MVP: variants seen among roughly 807,000 people sequenced by gnomAD.
MVP encodes major vault protein.
Under a neutral mutation model 83.5 loss-of-function variants are expected in MVP, and 62 were observed. The ratio of observed to expected loss-of-function variants is 0.74; its 90% CI spans 0.61 to 0.92. The LOEUF is 0.92. MVP is among the 40% of genes least tolerant of loss of function. The pLI is 0.00. For synonymous variants in MVP, 505 were observed against 504.1 expected (o/e 1.00, Z -0.02); for missense variants, 1,000 against 1,203.4 (o/e 0.83, Z 2.50).
At position 29,841,355 on chromosome 16, in the gene MVP, A is replaced by G. The variant is rs1475040771; in HGVS notation, c.1192-241A>G. ...ATGTCATTCACCCCTAGACCCTGCA[A>G]GGTAGCCACCGTCAAGTCCACTTGA... On this transcript the variant is annotated intron_variant, in intron 8 of 14. Transcript: ENST00000357402. The surrounding 1 kb of genome is among the most constrained non-coding windows in gnomAD (Gnocchi z 4.7). Among the ~76,000 whole-genome samples, 1 of 152,174 alleles carries G rather than the reference A, an allele frequency of 6.6e-6. No homozygotes were observed. The highest frequency in any genetic ancestry group is 1.5e-5 in the Non-Finnish European group (1 of 68,026).
intron 10 of MVP, among the ~76,000 whole-genome samples, chr16:29,844,181 A>C (rs2067560889): frequency 6.6e-6 from 1 of 152,212 alleles, no homozygotes; most frequent in South Asian, 2.1e-4. Context: ...GCCATCTCAT[A>C]GGGTGGCTGA....
At chr16:29,823,067 C>G (rs916994621) in intron 1 of MVP, among the ~76,000 whole-genome samples, 2 of 150,796 alleles carry the variant, frequency 1.3e-5, no homozygotes, top group Non-Finnish European at 3.0e-5. Context: ...ACCCTCCAGT[C>G]TCTAATACCT....
Position 29,835,795 on chromosome 16 carries a change from A to G in MVP, c.669A>G (p.Glu223=). Residue 223 remains glutamate (E), a synonymous_variant, in exon 6 of 15, where the codon GAA becomes GAG. Transcript: ENST00000357402. ...LDLVDAVILT[E]KTALHLRARR... ...TGGTGGACGCCGTCATCCTTACGGA[A>G]AAGGTTGGTGCTCTGGGGGCTGTGG... 6.2e-7 allele frequency: 1 copy of G among 1,613,408 alleles called. No individual in the cohort carries two copies. Among genetic ancestry groups the G allele is most frequent in the Non-Finnish European group, 8.5e-7 (1 of 1,179,812 alleles).
chr16:29,830,993 G>T lies in MVP; in HGVS notation c.241G>T (p.Val81Phe). The change falls in exon 3 of 15, where the codon GTT becomes TTT. Residue 81 changes from valine (V) to phenylalanine (F), a missense_variant. By Grantham distance (50) the Val-to-Phe change is conservative. Transcript: ENST00000357402. ...GLVLFDVTGQVRLRHADLEIR... is the reference protein window; with the variant it reads ...GLVLFDVTGQFRLRHADLEIR... Reference sequence around the variant, plus strand: ...GGTGCTGTTTGATGTCACAGGGCAAGTTCGGCTTCGCCACGCTGACCTCGA... The same window carrying T: ...GGTGCTGTTTGATGTCACAGGGCAATTTCGGCTTCGCCACGCTGACCTCGA... The T allele has an allele frequency of 6.2e-7, 1 of 1,614,016 alleles. No individual in the cohort carries two copies. Among genetic ancestry groups the T allele is most frequent in the Non-Finnish European group, 8.5e-7 (1 of 1,180,004 alleles).
In MVP at chr16:29,836,714, C is replaced by A; in HGVS notation, c.673-8C>A. The A allele has an allele frequency of 1.3e-6, 2 of 1,556,312 alleles. No homozygotes were observed. The highest frequency in any genetic ancestry group is 1.7e-6 in the Non-Finnish European group (2 of 1,146,440). The stretch of plus-strand genomic sequence containing the variant: ...GGTCACTCAAATACCCAACATGTTG[C>A]TCTGCAGACAGCCCTGCACCTCCGG... On this transcript the variant is annotated splice_region_variant and splice_polypyrimidine_tract_variant and intron_variant, in intron 6 of 14. Coordinates refer to ENST00000357402, the MANE Select transcript of MVP (RefSeq NM_005115.5).
At chr16:29,823,261 G>A (rs890513572) in intron 1 of MVP, among the ~76,000 whole-genome samples, 1 of 151,486 alleles carries the variant, frequency 6.6e-6, no homozygotes, top group Non-Finnish European at 1.5e-5. Flanking sequence ...AAGTAGCAGG[G>A]ACCACAGGTG....
intron 1 of MVP, chr16:29,821,303 C>T (rs1447544506): frequency 1.3e-5 from 2 of 152,496 alleles, no homozygotes; most frequent in South Asian, 2.1e-4. Context: ...GTGGCTCTGC[C>T]AGAAACTCCC....
intron 1 of MVP, among the ~76,000 whole-genome samples, chr16:29,829,217 T>C (rs975147273): frequency 6.6e-6 from 1 of 151,456 alleles, no homozygotes; most frequent in Non-Finnish European, 1.5e-5. Context: ...CCAGGTGTGA[T>C]GGCTCGCCTA....
At chr16:29,830,843 C>A (rs1340274863) in intron 2 of MVP, 35 bp from the exon 3 acceptor site, 1 of 1,595,216 alleles carries the variant, frequency 6.3e-7, no homozygotes, top group Non-Finnish European at 8.6e-7. Context: ...GAGACCTGGT[C>A]CCAGGTCCTC....
chr16:29,836,528 G>A (rs2067488142), intron 6 of MVP, among the ~76,000 whole-genome samples, 194 bp from the exon 7 acceptor site: 1 of 151,330 alleles, frequency 6.6e-6, no homozygotes, highest in African/African-American at 2.4e-5. Context: ...AGTGAGCTGA[G>A]ATCGCACCTT....
At chr16:29,838,852 T>A (rs2067509828) in intron 7 of MVP, among the ~76,000 whole-genome samples, 1 of 151,958 alleles carries the variant, frequency 6.6e-6, no homozygotes, top group East Asian at 1.9e-4. Flanking sequence ...AATAATGACA[T>A]ACGTGCTACA....
At chr16:29,825,689 T>A (rs1295040901) in intron 1 of MVP, among the ~76,000 whole-genome samples, 1 of 152,178 alleles carries the variant, frequency 6.6e-6, no homozygotes, top group Non-Finnish European at 1.5e-5. Flanking sequence ...GCTGAGTCAC[T>A]GAGCTGGGCG....
intron 10 of MVP, 86 bp from the exon 11 acceptor site, chr16:29,844,407 T>A (rs932251051): frequency 1.3e-6 from 2 of 1,492,830 alleles, no homozygotes; most frequent in Admixed American, 2.3e-5. Flanking sequence ...AAGACCAGCC[T>A]GGGCAACATG....
Position 29,843,500 on chromosome 16 carries a change from C to CGGAGGAAG in MVP, c.1635-947_1635-940dup, listed in dbSNP as rs1183954984. Among the ~76,000 whole-genome samples the CGGAGGAAG allele has an allele frequency of 2.1e-3, 99 of 47,372 alleles. 7 individuals are homozygous for CGGAGGAAG. The highest frequency in any genetic ancestry group is 3.9e-3 in the East Asian group (6 of 1,522). The allele number at this position is 47,372 out of a possible 152,430, so 31.1% of individuals were successfully genotyped here. A position where few individuals can be genotyped will look rare whatever the true frequency, so the allele number is the denominator to read the frequency against. ...ACAGAGACCCACAGAGACCCTGTCT[C>CGGAGGAAG]GGAGGAAGGGAGGAAGGGAGGAAGG... On this transcript the variant is annotated intron_variant, in intron 10 of 14. Coordinates refer to ENST00000357402, the MANE Select transcript of MVP (RefSeq NM_005115.5).
In MVP at chr16:29,841,601, C is replaced by T. The variant is rs751382263; in HGVS notation, c.1197C>T (p.Arg399=). The change falls in exon 9 of 15, where the codon CGC becomes CGT. Residue 399 remains arginine, a synonymous_variant. Coordinates refer to ENST00000357402, the MANE Select transcript of MVP (RefSeq NM_005115.5). The surrounding 1 kb of genome is among the most constrained non-coding windows in gnomAD (Gnocchi z 4.7). The part of the protein sequence containing the change: ...YVQDVKTGKV[R]AVIGSTYMLT... ...CTCCCTGTCCTCGTCCCAAGGTGCG[C>T]GCTGTGATTGGAAGCACCTACATGC... 17 of 1,599,236 alleles carry T rather than the reference C, an allele frequency of 1.1e-5. No individual in the cohort carries two copies. Among genetic ancestry groups the T allele is most frequent in the East Asian group, 6.7e-5 (3 of 44,698 alleles).
rs151200871 is a variant in MVP at position 29,824,698 on chromosome 16, G to A, written c.-36+4188G>A. On this transcript the variant is annotated intron_variant, in intron 1 of 14. Transcript: ENST00000357402. ...GCTTGAACCTGGGAGGTAGGTGGAC[G>A]TTGCAGTGAGCCGAGATTGTGCCAC... 1.6e-3 allele frequency among the ~76,000 whole-genome samples: 249 copies of A among 152,230 alleles called. 2 individuals carry two copies. Among genetic ancestry groups the A allele is most frequent in the Non-Finnish European group, 2.0e-3 (136 of 68,004 alleles).
At position 29,840,451 on chromosome 16, in the gene MVP, A is replaced by G. The variant is rs1467453887; in HGVS notation, c.1183A>G (p.Thr395Ala). The stretch of plus-strand genomic sequence containing the variant: ...GGGCATCTATGTGCAGGATGTCAAG[A>G]CCGGAAAGGTAATGGCTGGGAGTGA... ...NEGIYVQDVK[T>A]GKVRAVIGST... Residue 395 changes from threonine to alanine, a missense_variant, in exon 8 of 15, where the codon ACC (threonine) becomes GCC (alanine). By Grantham distance (58) the Thr-to-Ala change is moderately conservative. Coordinates refer to ENST00000357402, the MANE Select transcript of MVP (RefSeq NM_005115.5). 6.4e-7 allele frequency: 1 copy of G among 1,569,220 alleles called. No homozygotes were observed. The highest frequency in any genetic ancestry group is 2.3e-5 in the East Asian group (1 of 43,328).
At chr16:29,847,664 G>A (rs1378438927) in intron 14 of MVP, 98 bp from the exon 15 acceptor site, 11 of 1,219,802 alleles carry the variant, frequency 9.0e-6, no homozygotes, top group Non-Finnish European at 1.3e-5. Context: ...TCAGATGCAG[G>A]GGAGGTGACC....
intron 1 of MVP, among the ~76,000 whole-genome samples, chr16:29,822,103 T>TA (rs1356499197): frequency 6.6e-6 from 1 of 150,894 alleles, no homozygotes; most frequent in Non-Finnish European, 1.5e-5. Context: ...TTTTTTTTTT[T>TA]AAAGAATTAT....
Sources: allele counts gnomAD v4.1 joint callset (sites outside exome capture counted in the v4.1 genomes callset), GRCh38; gene constraint gnomAD v4.1.1; non-coding constraint Gnocchi (gnomAD v3.1); transcripts MANE v1.5; gene names NCBI Gene and HGNC (gene_info 2026-07-23, HGNC 2026-07-21).